Variants in NINL observed in about 807,000 individuals in gnomAD.
NINL encodes the protein ninein like, also known as ninein-like protein.
In NINL, 153 loss-of-function variants were observed where a neutral mutation model predicts 160.3. The observed-to-expected ratio is 0.95, with a 90% CI of 0.84 to 1.09. NINL has a LOEUF of 1.09. Among genes scored for constraint, NINL ranks in the 50% least tolerant of loss-of-function variants. NINL has a pLI of 0.00. For synonymous variants in NINL, 800 were observed against 734.8 expected, an observed-to-expected ratio of 1.09 and a Z score of -1.43; for missense variants, 1,829 against 1,764.0, an observed-to-expected ratio of 1.04 and a Z score of -0.66.
intron 6 of NINL, among the ~76,000 whole-genome samples, chr20:25,504,345 G>C (rs2063923024): frequency 6.6e-6 from 1 of 152,232 alleles, no homozygotes; most frequent in African/African-American, 2.4e-5. Flanking sequence ...GGTGTCACCT[G>C]AACTTCCCAG....
intron 1 of NINL, among the ~76,000 whole-genome samples, chr20:25,560,151 C>T (rs2064917687): frequency 1.3e-5 from 2 of 152,132 alleles, no homozygotes; most frequent in African/African-American, 4.8e-5. Context: ...GCCTTGTTGC[C>T]CAGGCTGGTC....
chr20:25,504,427 G>C (rs2063924113), intron 6 of NINL, among the ~76,000 whole-genome samples: 1 of 152,238 alleles, frequency 6.6e-6, no homozygotes, highest in African/African-American at 2.4e-5. Context: ...AGGCCCTGCA[G>C]TGTGAGGCCC....
intron 17 of NINL, among the ~76,000 whole-genome samples, chr20:25,473,487 AATAAAAT>A (rs1568861623): frequency 8.7e-6 from 1 of 114,928 alleles, no homozygotes; most frequent in African/African-American, 3.4e-5. Flanking sequence ...AAAATAAAAT[AATAAAAT>A]AAATAAAATA....
intron 16 of NINL, among the ~76,000 whole-genome samples, 161 bp from the exon 17 acceptor site, chr20:25,477,250 T>A (rs1235577941): frequency 1.3e-5 from 2 of 152,192 alleles, no homozygotes; most frequent in Admixed American, 1.3e-4. Context: ...ACCTATACCC[T>A]GGGCCCTACT....
At chr20:25,585,283 G>A (rs1167735758) in intron 1 of NINL, among the ~76,000 whole-genome samples, 172 bp downstream of exon 1, 2 of 152,188 alleles carry the variant, frequency 1.3e-5, no homozygotes, top group African/African-American at 4.8e-5. Flanking sequence ...CGGAAGAGCA[G>A]GCACCACAGC....
chr20:25,520,576 C>A (rs1415852701), intron 2 of NINL, among the ~76,000 whole-genome samples: 1 of 152,164 alleles, frequency 6.6e-6, no homozygotes, highest in Non-Finnish European at 1.5e-5. Flanking sequence ...GTGTCTTTGC[C>A]TCTGTATCCT....
intron 5 of NINL, among the ~76,000 whole-genome samples, chr20:25,510,306 G>A (rs998485125): frequency 2.0e-4 from 31 of 152,268 alleles, no homozygotes; most frequent in African/African-American, 7.0e-4. Context: ...AGGAGGTGCA[G>A]GGGCAGTCTG....
chr20:25,501,806 A>G (rs373427821), intron 7 of NINL, among the ~76,000 whole-genome samples: 15 of 152,056 alleles, frequency 9.9e-5, no homozygotes, highest in South Asian at 6.2e-4. Context: ...ATAATTTTCA[A>G]ATCTTTGAGA....
intron 10 of NINL, 52 bp from the exon 11 acceptor site, chr20:25,491,577 G>A (rs1004174047): frequency 6.3e-7 from 1 of 1,575,110 alleles, no homozygotes; most frequent in Non-Finnish European, 8.7e-7. Context: ...GGGCTGCCCA[G>A]GCCCACGCCA....
At chr20:25,508,248 C>T (rs7272126) in intron 5 of NINL, among the ~76,000 whole-genome samples, 17,304 of 152,280 alleles carry the variant, frequency 0.11, 1,093 homozygotes, top group African/African-American at 0.16. Flanking sequence ...GTGCTGTTTA[C>T]TTTGGCAGAA....
At chr20:25,576,160 G>A (rs1018621837) in intron 1 of NINL, among the ~76,000 whole-genome samples, 5 of 152,136 alleles carry the variant, frequency 3.3e-5, no homozygotes, top group African/African-American at 4.8e-5. Context: ...CACTGTACAC[G>A]GTTTTCCTGT....
intron 3 of NINL, 67 bp from the exon 4 acceptor site, chr20:25,513,073 G>T: frequency 6.6e-7 from 1 of 1,506,066 alleles, no homozygotes; most frequent in Non-Finnish European, 9.0e-7. Context: ...CAGGCCAGCA[G>T]GTACCCTCTG....
chr20:25,506,257 T>C (rs1417386269), intron 5 of NINL, among the ~76,000 whole-genome samples: 6 of 151,900 alleles, frequency 3.9e-5, no homozygotes, highest in Admixed American at 6.5e-5. Flanking sequence ...GAATACTCTG[T>C]CTCAGAAAAA....
At position 25,476,255 on chromosome 20, in the gene NINL, G is replaced by A; in HGVS notation, c.3036C>T (p.His1012=). The A allele has an allele frequency of 1.2e-6, 2 of 1,613,912 alleles. No individual in the cohort carries two copies. Among genetic ancestry groups the A allele is most frequent in the Non-Finnish European group, 1.7e-6 (2 of 1,179,984 alleles). ...ACCCTCTCCTGGCAACCTCCACACT[G>A]TGCTTGTGACACCCAGGCTCCAGGG... ...EGALEPGCHK[H]SVEVARRGSL... The change falls in exon 17 of 24, where the codon CAC becomes CAT. Residue 1012 remains histidine, a synonymous_variant. Coordinates refer to ENST00000278886, the MANE Select transcript of NINL (RefSeq NM_025176.6).
chr20:25,554,425 C>T (rs537822868), intron 1 of NINL, among the ~76,000 whole-genome samples: 6 of 152,128 alleles, frequency 3.9e-5, no homozygotes, highest in Non-Finnish European at 8.8e-5. Context: ...GAAGAGAACA[C>T]AGTGCATCTC....
chr20:25,474,789 A>AT (rs1009503014), intron 17 of NINL, among the ~76,000 whole-genome samples: 141 of 137,786 alleles, frequency 1.0e-3, no homozygotes, highest in African/African-American at 1.6e-3. Flanking sequence ...TAATTTTTGT[A>AT]TTTTTTTTTT....
intron 12 of NINL, among the ~76,000 whole-genome samples, 156 bp downstream of exon 12, chr20:25,489,719 G>A (rs910114862): frequency 6.6e-6 from 1 of 152,134 alleles, no homozygotes; most frequent in African/African-American, 2.4e-5. Flanking sequence ...AGAGGAAGCA[G>A]AGGGAAGGCC....
At chr20:25,478,069 T>C (rs1169656038) in intron 16 of NINL, among the ~76,000 whole-genome samples, 3 of 151,874 alleles carry the variant, frequency 2.0e-5, no homozygotes, top group Non-Finnish European at 2.9e-5. Context: ...CTGCCTCAGC[T>C]TCCCGAGTAG....
chr20:25,579,480 G>C (rs1039254676), intron 1 of NINL, among the ~76,000 whole-genome samples: 3 of 152,220 alleles, frequency 2.0e-5, no homozygotes, highest in Non-Finnish European at 4.4e-5. Flanking sequence ...CACGGGGACT[G>C]GGCACAGGTG....
Sources: allele counts gnomAD v4.1 joint callset (sites outside exome capture counted in the v4.1 genomes callset), GRCh38; gene constraint gnomAD v4.1.1; transcripts MANE v1.5; gene names NCBI Gene and HGNC (gene_info 2026-07-23, HGNC 2026-07-21).